DST: variants seen among roughly 807,000 people sequenced by gnomAD.
The protein encoded by DST is dystonin, also known as bullous pemphigoid antigen.
A neutral mutation model predicts 875.2 loss-of-function variants in DST; 253 were observed. The ratio of observed to expected loss-of-function variants is 0.29; its 90% confidence interval spans 0.26 to 0.32. The LOEUF is 0.32. Ranked by LOEUF, DST falls within the 10% of genes least tolerant of loss-of-function variation. DST has a pLI of 1.00. For synonymous variants in DST, 3,124 were observed against 3,197.1 expected, an observed-to-expected ratio of 0.98 and a Z score of 0.77; for missense variants, 8,287 against 9,111.6, an observed-to-expected ratio of 0.91 and a Z score of 3.68.
At chr6:56,802,175 C>T (rs1476977670) in intron 4 of DST, among the ~76,000 whole-genome samples, 1 of 152,002 alleles carries the variant, frequency 6.6e-6, no homozygotes. Flanking sequence ...ATAATCTGAG[C>T]ATTATTAGCA....
chr6:56,866,051 T>A (rs926668127), intron 3 of DST, among the ~76,000 whole-genome samples: 1 of 152,002 alleles, frequency 6.6e-6, no homozygotes, highest in Non-Finnish European at 1.5e-5. Context: ...CAGAGTGTAG[T>A]GGCGCAATCT....
intron 23 of DST, among the ~76,000 whole-genome samples, chr6:56,636,010 T>C (rs1358825856): frequency 6.6e-6 from 1 of 152,144 alleles, no homozygotes; most frequent in African/African-American, 2.4e-5. Flanking sequence ...AGGAGTGAAA[T>C]TCCAAGAATA....
intron 4 of DST, chr6:56,843,439 C>A (rs1476249503): frequency 2.4e-5 from 25 of 1,032,578 alleles, no homozygotes; most frequent in Non-Finnish European, 2.9e-5. Flanking sequence ...AGCCCAGGGG[C>A]GGCGACGAGC....
At chr6:56,734,216 A>C (rs2099514770) in intron 5 of DST, among the ~76,000 whole-genome samples, 1 of 152,242 alleles carries the variant, frequency 6.6e-6, no homozygotes, top group Non-Finnish European at 1.5e-5. Context: ...AGAGTGCGTG[A>C]TGTGCCCTCC....
chr6:56,546,969 T>G (rs1162287005), intron 61 of DST, among the ~76,000 whole-genome samples: 1 of 152,184 alleles, frequency 6.6e-6, no homozygotes, highest in Non-Finnish European at 1.5e-5. Flanking sequence ...CAAAAAATCC[T>G]ACATTATAAA....
chr6:56,475,941 G>A (rs1303189812), intron 92 of DST, among the ~76,000 whole-genome samples: 1 of 152,156 alleles, frequency 6.6e-6, no homozygotes, highest in Non-Finnish European at 1.5e-5. Flanking sequence ...AGAGGACAAA[G>A]AAGGAAAGTT....
intron 36 of DST, chr6:56,618,081 T>C: frequency 1.2e-6 from 2 of 1,614,190 alleles, no homozygotes; most frequent in Non-Finnish European, 1.7e-6. Flanking sequence ...TGGTCTCTTA[T>C]CTTCTCAATT....
In DST at chr6:56,476,300, G is replaced by A; in HGVS notation, c.21713C>T (p.Ala7238Val). 1 of 1,603,774 alleles carries A rather than the reference G, an allele frequency of 6.2e-7. No individual in the cohort carries two copies. The highest frequency in any genetic ancestry group is 1.7e-4 in the Middle Eastern group (1 of 6,046). ...GGCAATAAGCCCAGCCAGAGCACTT[G>A]CTAATCTCTGCTGATGTTGCTTTGC... ...AWAKQHQQRL[A>V]SALAGLIAKQ... is the part of the protein sequence containing the mutation. The change falls in exon 92 of 104, where the codon GCA becomes GTA. Residue 7238 changes from alanine to valine, a missense_variant. By Grantham distance (64) the Ala-to-Val change is moderately conservative. Transcript: ENST00000680361.
At chr6:56,837,574 T>C (rs1021118684) in intron 4 of DST, among the ~76,000 whole-genome samples, 1 of 152,146 alleles carries the variant, frequency 6.6e-6, no homozygotes. Context: ...GCCTAAAGAA[T>C]AGGCACTCAA....
intron 49 of DST, among the ~76,000 whole-genome samples, chr6:56,583,937 G>T (rs987770275): frequency 6.6e-6 from 1 of 152,124 alleles, no homozygotes; most frequent in Non-Finnish European, 1.5e-5. Context: ...GCTCTGTTCT[G>T]TTCCATTGAT....
rs576293509 is a variant in DST, at chr6:56,935,583, C to T, written c.216+18202G>A. Among the ~76,000 whole-genome samples, 40 of 152,298 alleles carry T rather than the reference C, an allele frequency of 2.6e-4. No homozygotes were observed. In the South Asian group the frequency reaches 8.3e-3, roughly 32 times the overall value. ...TTAAAATCTGCAAGTAGTTCTTTAA[C>T]CTCAATCTATTTTATGTACAGAAGT... On this transcript the variant is annotated intron_variant, in intron 2 of 103. Coordinates refer to ENST00000680361, the MANE Select transcript of DST (RefSeq NM_001374736.1).
Position 56,641,959 on chromosome 6 carries a change from T to G in DST, c.2015A>C (p.Gln672Pro). The change falls in exon 17 of 104, where the codon CAA (glutamine) becomes CCA (proline). Residue 672 changes from glutamine (Q) to proline (P), a missense_variant. Physicochemically the swap from Gln to Pro is moderately conservative, Grantham distance 76. This residue lies in a region of DST where 1,160 missense variants were observed against 1,424.3 expected (regional missense o/e 0.81). Transcript: ENST00000680361. ...LIDGKYYQADQLVQRVAKLRD... is the reference protein window; with the variant it reads ...LIDGKYYQADPLVQRVAKLRD... The stretch of plus-strand genomic sequence containing the variant: ...GTAGCACTCTTACCTCTGTACCAAT[T>G]GATCTGCCTGGTAGTATTTTCCATC... 6.2e-7 allele frequency: 1 copy of G among 1,612,782 alleles called. No individual in the cohort carries two copies. The highest frequency in any genetic ancestry group is 8.5e-7 in the Non-Finnish European group (1 of 1,179,462).
At chr6:56,682,562 A>G (rs2099162010) in intron 9 of DST, among the ~76,000 whole-genome samples, 1 of 152,158 alleles carries the variant, frequency 6.6e-6, no homozygotes, top group Non-Finnish European at 1.5e-5. Flanking sequence ...ACAACAGTCA[A>G]TGACTGAAAC....
At position 56,497,381 on chromosome 6, in the gene DST, T is replaced by C; in HGVS notation, c.20221A>G (p.Met6741Val). The C allele has an allele frequency of 6.2e-7, 1 of 1,612,802 alleles. No homozygotes were observed. The highest frequency in any genetic ancestry group is 8.5e-7 in the Non-Finnish European group (1 of 1,179,120). Residue 6741 changes from methionine to valine, a missense_variant and splice_region_variant, in exon 82 of 104, where the codon ATG becomes GTG. By Grantham distance (21) the Met-to-Val change is conservative. Around this residue, in one of 10 missense-constraint regions of DST, gnomAD observed 1,292 missense variants for 1,552.7 expected, o/e 0.83. Transcript: ENST00000680361. ...GCTGTAGGAAATACTTTGCTTACCA[T>C]ATGGACATTAAGCTGCTCCTTGGCT... Reference protein sequence around the residue: ...ETAKEQLNVHMEVCAAFEAKE... With the variant: ...ETAKEQLNVHVEVCAAFEAKE...
intron 36 of DST, among the ~76,000 whole-genome samples, chr6:56,623,848 T>C (rs2098710696): frequency 6.6e-6 from 1 of 152,122 alleles, no homozygotes; most frequent in Non-Finnish European, 1.5e-5. Context: ...GTCCTTACTC[T>C]TCCTATATGA....
intron 4 of DST, among the ~76,000 whole-genome samples, chr6:56,824,332 A>G (rs1206403221): frequency 2.0e-5 from 3 of 152,170 alleles, no homozygotes; most frequent in South Asian, 2.1e-4. Flanking sequence ...CCAGGCTGGA[A>G]TGCAGTGGCG....
chr6:56,633,125 C>A (rs1261764052), intron 27 of DST, 88 bp from the exon 28 acceptor site: 1 of 992,668 alleles, frequency 1.0e-6, no homozygotes, highest in Non-Finnish European at 1.6e-6. Context: ...TGGTATATGC[C>A]AATCTAAACG....
Position 56,642,978 on chromosome 6 carries a change from G to C in DST, c.1779-475C>G. ...ATAATATGCTGATAACTATTCAAAAGAATCTAGCCTAAAGCCATTCGTTTG... is the reference window on the plus strand; with the variant it reads ...ATAATATGCTGATAACTATTCAAAACAATCTAGCCTAAAGCCATTCGTTTG... On this transcript the variant is annotated intron_variant, in intron 15 of 103. Transcript: ENST00000680361. 2.2e-6 allele frequency: 3 copies of C among 1,358,464 alleles called. 1 individual carries two copies. In the South Asian group the frequency reaches 4.5e-5, roughly 21 times the overall value. 84.2% of individuals were successfully genotyped at this position (1,358,464 alleles called of 1,614,324 possible).
At chr6:56,931,484 G>A (rs1322279797) in intron 2 of DST, among the ~76,000 whole-genome samples, 1 of 152,156 alleles carries the variant, frequency 6.6e-6, no homozygotes, top group Non-Finnish European at 1.5e-5. Context: ...TAGTGGAGCT[G>A]TGACAAGAGG....
Sources: gnomAD v4.1 joint callset for allele counts (sites outside exome capture counted in the v4.1 genomes callset) on GRCh38, gnomAD v4.1.1 for gene constraint, gnomAD v4.1.1 regional missense constraint, MANE v1.5 for transcripts, NCBI Gene and HGNC (gene_info 2026-07-23, HGNC 2026-07-21) for gene names.